Variants in CLIP2 observed in about 807,000 individuals in gnomAD.
The protein encoded by CLIP2 is CAP-Gly domain-containing linker protein 2.
A neutral mutation model predicts 111.7 loss-of-function variants in CLIP2; 41 were observed. The observed-to-expected ratio is 0.37, with a 90% CI of 0.29 to 0.48. The LOEUF is 0.48. Ranked by LOEUF, CLIP2 falls within the 20% of genes least tolerant of loss-of-function variation. The pLI, the probability that CLIP2 is intolerant of heterozygous loss-of-function variation, is 0.99. For missense variants in CLIP2, 1,160 were observed against 1,422.1 expected (o/e 0.82, Z 2.96); for synonymous variants, 660 against 644.2 (o/e 1.02, Z -0.37).
intron 2 of CLIP2, among the ~76,000 whole-genome samples, chr7:74,319,728 G>A (rs1005661208): frequency 2.6e-5 from 4 of 151,918 alleles, no homozygotes; most frequent in Non-Finnish European, 5.9e-5. Context: ...GGGTGAGGCA[G>A]GAGGATTGCT....
intron 2 of CLIP2, among the ~76,000 whole-genome samples, chr7:74,334,432 G>C (rs548795968): frequency 1.3e-5 from 2 of 152,052 alleles, no homozygotes; most frequent in East Asian, 3.9e-4. Context: ...GCCTGGGCCC[G>C]GACAGCTGGG....
At position 74,349,488 on chromosome 7, in the gene CLIP2, ATATATATATATATATATATATATG is replaced by A. The variant is rs1554307101; in HGVS notation, c.679-4389_679-4366del. 5.7e-4 allele frequency among the ~76,000 whole-genome samples: 69 copies of A among 121,058 alleles called. 2 individuals are homozygous for A. Among genetic ancestry groups the A allele is most frequent in the African/African-American group, 2.0e-3 (58 of 29,548 alleles). The allele number at this position is 121,058 out of a possible 152,430, so 79.4% of individuals were successfully genotyped here. A position where few individuals can be genotyped will look rare whatever the true frequency, so the allele number is the denominator to read the frequency against. ...TGTGTGTGTATATATATATATATAT[ATATATATATATATATATATATATG>A]TAAATAAAAATTAAAAATCAGTGGG... On this transcript the variant is annotated intron_variant, in intron 3 of 16. Coordinates refer to ENST00000223398, the MANE Select transcript of CLIP2 (RefSeq NM_003388.5).
chr7:74,338,576 CG>C lies in CLIP2; in HGVS notation c.253del (p.Val85CysfsTer3). ...CCTGGGGGACTTTGTGGTGGGCGAGCGGGTGTGGGTGAACGGCGTGAAGCCA... is the reference window on the plus strand; with the variant it reads ...CCTGGGGGACTTTGTGGTGGGCGAGCGGTGTGGGTGAACGGCGTGAAGCCA... ...DFLGDFVVGE[R>X]VWVNGVKPGV... is the part of the protein sequence containing the mutation. On this transcript the variant is annotated frameshift_variant, in exon 3 of 17. Transcript: ENST00000223398. LOFTEE classifies it high-confidence loss of function. The surrounding 1 kb of genome is among the most constrained non-coding windows in gnomAD (Gnocchi z 4.3). 3 of 1,577,998 alleles carry C rather than the reference CG, an allele frequency of 1.9e-6. No homozygotes were observed. Among genetic ancestry groups the C allele is most frequent in the Non-Finnish European group, 2.6e-6 (3 of 1,163,444 alleles).
chr7:74,386,427 C>A, intron 11 of CLIP2, 94 bp from the exon 12 acceptor site: 1 of 971,954 alleles, frequency 1.0e-6, no homozygotes, highest in South Asian at 1.5e-5. Flanking sequence ...AAGTGTGACC[C>A]CGTCACAGAG....
intron 13 of CLIP2, among the ~76,000 whole-genome samples, chr7:74,394,251 T>C (rs547715368): frequency 4.1e-5 from 6 of 145,782 alleles, no homozygotes; most frequent in South Asian, 2.2e-4. Context: ...TCTTATTTTT[T>C]TTTTTTTTTT....
chr7:74,403,134 G>T (rs1240456291), intron 16 of CLIP2, among the ~76,000 whole-genome samples: 1 of 76,262 alleles, frequency 1.3e-5, no homozygotes, highest in Admixed American at 1.2e-4. Context: ...CAGGAGAATC[G>T]CTTGAACCCG....
intron 3 of CLIP2, among the ~76,000 whole-genome samples, chr7:74,350,205 C>A (rs957837095): frequency 1.3e-5 from 2 of 152,020 alleles, no homozygotes; most frequent in African/African-American, 4.8e-5. Context: ...GCGCCCACCA[C>A]CACGCCCAGC....
intron 11 of CLIP2, among the ~76,000 whole-genome samples, chr7:74,385,806 G>A (rs1450307926): frequency 5.0e-5 from 7 of 141,292 alleles, no homozygotes; most frequent in Admixed American, 2.2e-4. Context: ...GCGATGGTGC[G>A]ATCTCTGCTC....
At chr7:74,310,726 T>C (rs1788621549) in intron 1 of CLIP2, among the ~76,000 whole-genome samples, 1 of 152,070 alleles carries the variant, frequency 6.6e-6, no homozygotes, top group African/African-American at 2.4e-5. Flanking sequence ...CTTTTTTTTT[T>C]TTTGAGACAA....
chr7:74,369,557 TAAAA>T (rs1342747774), intron 8 of CLIP2, among the ~76,000 whole-genome samples: 7 of 148,580 alleles, frequency 4.7e-5, no homozygotes, highest in Non-Finnish European at 3.0e-5. Context: ...AATAAATAAA[TAAAA>T]ATTTTTAAAA....
chr7:74,353,901 G>A lies in CLIP2; in HGVS notation c.700G>A (p.Val234Met), dbSNP rs369942236. 227 of 1,614,086 alleles carry A rather than the reference G, an allele frequency of 1.4e-4. No homozygotes were observed. Among genetic ancestry groups the A allele is most frequent in the African/African-American group, 2.0e-4 (15 of 74,934 alleles). The change falls in exon 4 of 17, where the codon GTG becomes ATG. Residue 234 changes from valine (V) to methionine (M), a missense_variant. Val to Met is a conservative substitution (Grantham distance 21). Transcript: ENST00000223398. ...ACAGGTTGGCGGGACGAAGACTGGC[G>A]TGGTGCGGTACGTGGGGGAGACAGA... is the stretch of plus-strand genomic sequence containing the variant. ...RVLVGGTKTG[V>M]VRYVGETDFA...
intron 14 of CLIP2, among the ~76,000 whole-genome samples, chr7:74,399,549 G>A (rs1395685728): frequency 7.9e-6 from 1 of 126,630 alleles, no homozygotes; most frequent in Non-Finnish European, 1.7e-5. Context: ...TTTTGGGGGG[G>A]GGGGGGTGGG....
rs370959398 is a variant in CLIP2 at position 74,383,720 on chromosome 7, AT to A, written c.2480-2799del. Among the ~76,000 whole-genome samples, 140 of 152,298 alleles carry A rather than the reference AT, an allele frequency of 9.2e-4. 1 individual carries two copies. Among genetic ancestry groups the A allele is most frequent in the African/African-American group, 3.2e-3 (131 of 41,582 alleles). On this transcript the variant is annotated intron_variant, in intron 11 of 16. Coordinates refer to ENST00000223398, the MANE Select transcript of CLIP2 (RefSeq NM_003388.5). Reference sequence around the variant, plus strand: ...CTGGATTTGGTGGCTTACACCTGTAATTCCAGCACTTTGGGAGGCCCGGGCA... The same window carrying A: ...CTGGATTTGGTGGCTTACACCTGTAATCCAGCACTTTGGGAGGCCCGGGCA...
intron 13 of CLIP2, chr7:74,389,541 C>A: frequency 4.0e-6 from 1 of 247,760 alleles, no homozygotes; most frequent in Non-Finnish European, 7.5e-6. Context: ...AGGATTGAGC[C>A]CAGGAGTTCA....
chr7:74,380,983 G>A (rs1790928111), intron 11 of CLIP2, 120 bp downstream of exon 11: 1 of 960,074 alleles, frequency 1.0e-6, no homozygotes, highest in South Asian at 1.3e-5. Context: ...GTCACCTCCT[G>A]TGTGCTGTGA....
intron 14 of CLIP2, among the ~76,000 whole-genome samples, chr7:74,398,953 G>A (rs1791537016): frequency 6.6e-6 from 1 of 152,220 alleles, no homozygotes; most frequent in Non-Finnish European, 1.5e-5. Context: ...TTGGGAAGTG[G>A]CGGCCTCTGC....
intron 13 of CLIP2, among the ~76,000 whole-genome samples, chr7:74,395,902 C>T (rs1791433629): frequency 6.6e-6 from 1 of 152,186 alleles, no homozygotes; most frequent in Non-Finnish European, 1.5e-5. Context: ...CTTTGCAGTG[C>T]TCCCCGCCTC....
intron 8 of CLIP2, among the ~76,000 whole-genome samples, chr7:74,371,540 AAGAG>A (rs1369981157): frequency 3.4e-5 from 5 of 145,442 alleles, no homozygotes; most frequent in African/African-American, 5.1e-5. Context: ...AGAGGAGAGA[AAGAG>A]AGAGGGAGGG....
At chr7:74,297,043 C>T (rs1788189357) in intron 1 of CLIP2, among the ~76,000 whole-genome samples, 2 of 152,204 alleles carry the variant, frequency 1.3e-5, no homozygotes, top group Non-Finnish European at 2.9e-5. Context: ...ATCTGGGCTC[C>T]TGGCTTGCTG....
Sources: gnomAD v4.1 joint callset for allele counts (sites outside exome capture counted in the v4.1 genomes callset) on GRCh38, gnomAD v4.1.1 for gene constraint, Gnocchi (gnomAD v3.1) non-coding constraint, MANE v1.5 for transcripts, NCBI Gene and HGNC (gene_info 2026-07-23, HGNC 2026-07-21) for gene names.